ERICH1: variants seen among roughly 807,000 people sequenced by gnomAD.
The protein encoded by ERICH1 is glutamate rich 1, also known as glutamate-rich protein 1.
Under a neutral mutation model 39.6 loss-of-function variants are expected in ERICH1, and 56 were observed. The ratio of observed to expected loss-of-function variants is 1.41; its 90% CI spans 1.14 to 1.77. The LOEUF is 1.77. Ranked by LOEUF, ERICH1 falls within the 40% of genes most tolerant of loss-of-function variation. The pLI, the probability that ERICH1 is intolerant of heterozygous loss-of-function variation, is 0.00. For missense variants in ERICH1, 826 were observed against 575.4 expected, an observed-to-expected ratio of 1.44 and a Z score of -4.45; for synonymous variants, 313 against 223.6, an observed-to-expected ratio of 1.40 and a Z score of -3.57.
chr8:648,273 C>A (rs1799578174), intron 3 of ERICH1, among the ~76,000 whole-genome samples: 1 of 64,238 alleles, frequency 1.6e-5, no homozygotes, highest in African/African-American at 4.2e-5. Context: ...TACGGATGAA[C>A]CAGTCTCGGG....
downstream of ERICH1, among the ~76,000 whole-genome samples, chr8:662,813 C>A (rs769112997): frequency 6.6e-6 from 1 of 151,906 alleles, no homozygotes; most frequent in Non-Finnish European, 1.5e-5. Flanking sequence ...GTGGGAAGAG[C>A]GGCTCCTGGC....
At chr8:650,189 G>GCA (rs1411414023) in intron 3 of ERICH1, among the ~76,000 whole-genome samples, 2 of 152,204 alleles carry the variant, frequency 1.3e-5, no homozygotes, top group East Asian at 3.9e-4. Context: ...GTTCCTCTCT[G>GCA]CACTCAGGAG....
chr8:718,621 C>T (rs1449911970), intron 1 of ERICH1, among the ~76,000 whole-genome samples: 1 of 152,196 alleles, frequency 6.6e-6, no homozygotes, highest in Non-Finnish European at 1.5e-5. Context: ...AGGGGTTTCT[C>T]AGGGATAACT....
intron 2 of ERICH1, among the ~76,000 whole-genome samples, chr8:705,288 G>T (rs1043151252): frequency 1.3e-5 from 2 of 152,230 alleles, no homozygotes; most frequent in South Asian, 2.1e-4. Flanking sequence ...TATCCAGCAG[G>T]ACTCCTCCTG....
chr8:636,290 C>A (rs1798433337), intron 3 of ERICH1, among the ~76,000 whole-genome samples: 1 of 152,176 alleles, frequency 6.6e-6, no homozygotes, highest in Admixed American at 6.5e-5. Flanking sequence ...TGGGGTTGCA[C>A]GTCAACTGGG....
At chr8:620,032 G>C (rs922639470) in intron 3 of ERICH1, among the ~76,000 whole-genome samples, 1 of 152,146 alleles carries the variant, frequency 6.6e-6, no homozygotes, top group Admixed American at 6.5e-5. Flanking sequence ...ACAAAAAGTG[G>C]GCCAGGCGTG....
chr8:663,061 G>A (rs1350976715), downstream of ERICH1, among the ~76,000 whole-genome samples: 3 of 152,228 alleles, frequency 2.0e-5, no homozygotes, highest in Non-Finnish European at 4.4e-5. Context: ...CTGTGCTCCA[G>A]GGCCTACAAC....
At chr8:656,138 C>A (rs1165453948) in intron 3 of ERICH1, among the ~76,000 whole-genome samples, 1 of 152,186 alleles carries the variant, frequency 6.6e-6, no homozygotes, top group African/African-American at 2.4e-5. Context: ...AATGGCCTCG[C>A]TGCTGGCACG....
intron 3 of ERICH1, among the ~76,000 whole-genome samples, chr8:651,210 C>G (rs945851531): frequency 1.3e-5 from 2 of 152,168 alleles, no homozygotes; most frequent in Non-Finnish European, 1.5e-5. Flanking sequence ...TGGTTCAGCT[C>G]AAGTTGTTAG....
intron 3 of ERICH1, among the ~76,000 whole-genome samples, chr8:629,095 T>G (rs994084502): frequency 5.3e-5 from 8 of 152,076 alleles, no homozygotes; most frequent in African/African-American, 1.9e-4. Flanking sequence ...TGGAAATCAT[T>G]AGGGACAAGC....
intron 3 of ERICH1, among the ~76,000 whole-genome samples, chr8:643,004 CG>C (rs1452461772): frequency 6.6e-6 from 1 of 152,138 alleles, no homozygotes; most frequent in Non-Finnish European, 1.5e-5. Flanking sequence ...AAACAAACTG[CG>C]GGTTTTGCTG....
chr8:641,464 T>G (rs1467965071), intron 3 of ERICH1, among the ~76,000 whole-genome samples: 2 of 152,250 alleles, frequency 1.3e-5, no homozygotes. Context: ...AAAGTTACAT[T>G]GACAGCTTTA....
At position 668,731 on chromosome 8, in the gene ERICH1, G is replaced by T. The variant is rs750012573; in HGVS notation, c.1125C>A (p.Arg375=). The T allele has an allele frequency of 4.3e-6, 7 of 1,613,666 alleles. No homozygotes were observed. In the African/African-American group the frequency reaches 9.3e-5, roughly 22 times the overall value. ...LADAAEELLD[R]LASHSMLPSD... is the part of the protein sequence containing the mutation. ...AGGGCAGCATGCTGTGTGACGCAAG[G>T]CGGTCCAGCAGCTCCTCAGCGGCAT... Residue 375 remains arginine (R), a synonymous_variant, in exon 5 of 6, where the codon CGC becomes CGA. Transcript: ENST00000262109.
At position 664,593 on chromosome 8, in the gene ERICH1, A is replaced by T; in HGVS notation, c.*10T>A. The T allele has an allele frequency of 2.5e-6, 4 of 1,604,638 alleles. No homozygotes were observed. Among genetic ancestry groups the T allele is most frequent in the Non-Finnish European group, 3.4e-6 (4 of 1,176,608 alleles). The stretch of plus-strand genomic sequence containing the variant: ...TTAAAGAGGAGCTGTTCTTAAAGAG[A>T]TATTCCATTTTAGTCACTGCTCTTC... On this transcript the variant is annotated 3_prime_UTR_variant, in exon 6 of 6. Transcript: ENST00000262109.
At chr8:641,777 G>A (rs1304928155) in intron 3 of ERICH1, among the ~76,000 whole-genome samples, 4 of 151,960 alleles carry the variant, frequency 2.6e-5, no homozygotes, top group African/African-American at 9.7e-5. Context: ...CTCAGATGCC[G>A]CCTTGTCTAT....
intron 3 of ERICH1, among the ~76,000 whole-genome samples, chr8:619,716 G>A (rs1490424007): frequency 2.0e-5 from 3 of 151,846 alleles, no homozygotes; most frequent in Non-Finnish European, 4.4e-5. Context: ...ACATATACAG[G>A]GACAATATAT....
chr8:670,901 C>T (rs990732325), intron 4 of ERICH1, among the ~76,000 whole-genome samples: 23 of 144,396 alleles, frequency 1.6e-4, no homozygotes, highest in South Asian at 4.5e-4. Context: ...CCTCTGAACC[C>T]GCCGGCCCCT....
chr8:721,519 G>A (rs551766079), intron 1 of ERICH1, among the ~76,000 whole-genome samples: 2 of 152,280 alleles, frequency 1.3e-5, no homozygotes, highest in South Asian at 2.1e-4. Context: ...AGGCACTCAG[G>A]GCCTTTACCA....
At chr8:627,360 G>A (rs1230443764) in intron 3 of ERICH1, 8 of 382,440 alleles carry the variant, frequency 2.1e-5, no homozygotes, top group Non-Finnish European at 2.7e-5. Context: ...TCCTGGACAG[G>A]AAAAGTCTGC....
Sources: gnomAD v4.1 joint callset for allele counts (sites outside exome capture counted in the v4.1 genomes callset) on GRCh38, gnomAD v4.1.1 for gene constraint, MANE v1.5 for transcripts, NCBI Gene and HGNC (gene_info 2026-07-23, HGNC 2026-07-21) for gene names.